Variants in CSE1L observed in about 807,000 individuals in gnomAD.
CSE1L encodes the protein exportin-2.
A neutral mutation model predicts 120.4 loss-of-function variants in CSE1L; 24 were observed. The observed-to-expected ratio is 0.20, with a 90% CI of 0.14 to 0.28. The LOEUF (loss-of-function observed/expected upper bound fraction) is 0.28, where lower values mean the gene tolerates loss of function less well. Ranked by LOEUF, CSE1L falls within the 10% of genes least tolerant of loss-of-function variation. The pLI, the probability that CSE1L is intolerant of heterozygous loss-of-function variation, is 1.00. For missense variants in CSE1L, 830 were observed against 1,145.2 expected, an observed-to-expected ratio of 0.72 and a Z score of 3.97; for synonymous variants, 402 against 398.3, an observed-to-expected ratio of 1.01 and a Z score of -0.11.
chr20:49,056,097 A>G (rs967426693), intron 1 of CSE1L, among the ~76,000 whole-genome samples: 3 of 149,980 alleles, frequency 2.0e-5, no homozygotes, highest in Admixed American at 6.6e-5. Flanking sequence ...GCATAAGTGG[A>G]GTTTTCTAAA....
At chr20:49,080,956 T>C (rs1248764732) in intron 14 of CSE1L, among the ~76,000 whole-genome samples, 1 of 151,728 alleles carries the variant, frequency 6.6e-6, no homozygotes. Flanking sequence ...TTTTATACTT[T>C]TTACTTAGTT....
chr20:49,048,444 G>A (rs1568758045), intron 1 of CSE1L, among the ~76,000 whole-genome samples: 1 of 152,152 alleles, frequency 6.6e-6, no homozygotes, highest in Non-Finnish European at 1.5e-5. Context: ...TGAGGACCAT[G>A]TATTCTCGTG....
At chr20:49,049,095 C>A (rs934714366) in intron 1 of CSE1L, among the ~76,000 whole-genome samples, 2 of 152,186 alleles carry the variant, frequency 1.3e-5, no homozygotes, top group East Asian at 1.9e-4. Flanking sequence ...TCTGCCATAA[C>A]TGATTTATTG....
At chr20:49,089,771 T>C in intron 19 of CSE1L, 25 bp downstream of exon 19, 1 of 1,602,752 alleles carries the variant, frequency 6.2e-7, no homozygotes, top group South Asian at 1.1e-5. Context: ...GATATAACTG[T>C]AATTTTATAA....
intron 23 of CSE1L, among the ~76,000 whole-genome samples, chr20:49,094,528 A>G (rs916943609): frequency 6.6e-6 from 1 of 152,180 alleles, no homozygotes; most frequent in Non-Finnish European, 1.5e-5. Context: ...CTCTAAGACA[A>G]TTTTATGACA....
chr20:49,046,968 C>T (rs1372324513), intron 1 of CSE1L, among the ~76,000 whole-genome samples: 1 of 152,232 alleles, frequency 6.6e-6, no homozygotes, highest in Non-Finnish European at 1.5e-5. Context: ...AACCTCTGTA[C>T]TTGTATCCCT....
At chr20:49,077,153 C>CA in intron 13 of CSE1L, 89 bp downstream of exon 13, 2 of 401,512 alleles carry the variant, frequency 5.0e-6, no homozygotes, top group Non-Finnish European at 8.4e-6. Flanking sequence ...CCCTTTTGTT[C>CA]TTTTTTTTTT....
At chr20:49,074,359 C>T (rs948104963) in intron 10 of CSE1L, among the ~76,000 whole-genome samples, 2 of 151,850 alleles carry the variant, frequency 1.3e-5, no homozygotes, top group Admixed American at 6.6e-5. Flanking sequence ...GCGTGAGCCA[C>T]CATGCCGGCC....
At position 49,076,833 on chromosome 20, in the gene CSE1L, T is replaced by C. The variant is rs1176656035; in HGVS notation, c.1336-147T>C. 3 of 543,160 alleles carry C rather than the reference T, an allele frequency of 5.5e-6. No homozygotes were observed. In the Admixed American group the frequency reaches 1.1e-4, roughly 19 times the overall value. 33.6% of individuals were successfully genotyped at this position (543,160 alleles called of 1,614,324 possible). ...GCCGTGAGCTCCTGTACACAGCCAG[T>C]ACAGTCTCATTTTATACATAAGCAA... is the stretch of plus-strand genomic sequence containing the variant. On this transcript the variant is annotated intron_variant, in intron 12 of 24. Transcript: ENST00000262982.
intron 14 of CSE1L, among the ~76,000 whole-genome samples, chr20:49,079,491 G>T (rs1023137877): frequency 2.0e-5 from 3 of 151,918 alleles, no homozygotes; most frequent in African/African-American, 4.8e-5. Flanking sequence ...GCCTCCCAAA[G>T]TGCTGGGATT....
chr20:49,084,315 G>A (rs1338520375), intron 15 of CSE1L, among the ~76,000 whole-genome samples, 153 bp downstream of exon 15: 1 of 152,040 alleles, frequency 6.6e-6, no homozygotes, highest in African/African-American at 2.4e-5. Flanking sequence ...AGCATTTGAG[G>A]CTGCTTACTA....
chr20:49,062,375 G>A (rs547602188), intron 2 of CSE1L, among the ~76,000 whole-genome samples: 1 of 152,264 alleles, frequency 6.6e-6, no homozygotes, highest in Admixed American at 6.5e-5. Context: ...TTGGAATATT[G>A]GGTGTTGCCC....
Position 49,096,426 on chromosome 20 carries a change from G to A in CSE1L, c.2904G>A (p.Val968=), listed in dbSNP as rs2092141437. The A allele has an allele frequency of 6.2e-7, 1 of 1,613,902 alleles. No homozygotes were observed. The highest frequency in any genetic ancestry group is 1.3e-5 in the African/African-American group (1 of 75,044). The stretch of plus-strand genomic sequence containing the variant: ...AAGGGTACCTTCAGGCAGCCAGTGT[G>A]ACACTGCTTTAAACTGCATTTTTCT... The part of the protein sequence containing the change: ...YLQGYLQAAS[V]TLL The change falls in exon 25 of 25, where the codon GTG becomes GTA. Residue 968 remains valine (V), a synonymous_variant. Coordinates refer to ENST00000262982, the MANE Select transcript of CSE1L (RefSeq NM_001316.4).
intron 24 of CSE1L, 60 bp downstream of exon 24, chr20:49,095,023 A>G (rs2092128984): frequency 7.8e-7 from 1 of 1,279,926 alleles, no homozygotes. Context: ...GGGCAAAAGG[A>G]TAGTAGTAGT....
chr20:49,068,663 G>C (rs1181148765), intron 6 of CSE1L, 52 bp from the exon 7 acceptor site: 2 of 1,172,848 alleles, frequency 1.7e-6, no homozygotes, highest in African/African-American at 3.0e-5. Context: ...ACTAAGATCA[G>C]CATGCTGGGT....
intron 14 of CSE1L, among the ~76,000 whole-genome samples, chr20:49,083,046 A>G (rs1354272088): frequency 6.9e-6 from 1 of 144,300 alleles, no homozygotes; most frequent in Non-Finnish European, 1.5e-5. Flanking sequence ...TTTTTCTGAG[A>G]TGGAGTCTTG....
intron 1 of CSE1L, among the ~76,000 whole-genome samples, chr20:49,054,582 G>A (rs2091792299): frequency 6.6e-6 from 1 of 152,086 alleles, no homozygotes; most frequent in African/African-American, 2.4e-5. Context: ...GCCCTTCTTT[G>A]TGTGTAAAAT....
intron 1 of CSE1L, among the ~76,000 whole-genome samples, chr20:49,052,282 A>G (rs548834454): frequency 6.6e-6 from 1 of 152,358 alleles, no homozygotes; most frequent in Non-Finnish European, 1.5e-5. Context: ...CATACAGACG[A>G]AAGTCCCTGC....
At chr20:49,096,271 G>GC (rs2092139659) in intron 24 of CSE1L, 78 bp from the exon 25 acceptor site, 1 of 1,138,190 alleles carries the variant, frequency 8.8e-7, no homozygotes. Context: ...AGCTGTGGCA[G>GC]CTCTCCCGTA....
Sources: allele counts gnomAD v4.1 joint callset (sites outside exome capture counted in the v4.1 genomes callset), GRCh38; gene constraint gnomAD v4.1.1; transcripts MANE v1.5; gene names NCBI Gene and HGNC (gene_info 2026-07-23, HGNC 2026-07-21).